EXOSC7: variants seen among roughly 807,000 people sequenced by gnomAD.
EXOSC7 encodes the protein exosome complex component RRP42.
A neutral mutation model predicts 34.3 loss-of-function variants in EXOSC7; 25 were observed. The ratio of observed to expected loss-of-function variants is 0.73; its 90% CI spans 0.53 to 1.02. The LOEUF (loss-of-function observed/expected upper bound fraction) is 1.02. EXOSC7 is among the 50% of genes least tolerant of loss of function. EXOSC7 has a pLI of 0.00. For synonymous variants in EXOSC7, 130 were observed against 143.0 expected, an observed-to-expected ratio of 0.91 and a Z score of 0.65; for missense variants, 370 against 368.5, an observed-to-expected ratio of 1.00 and a Z score of -0.03.
intron 1 of EXOSC7, among the ~76,000 whole-genome samples, 191 bp downstream of exon 1, chr3:44,976,525 C>G (rs940602481): frequency 2.6e-5 from 4 of 152,170 alleles, no homozygotes; most frequent in African/African-American, 9.7e-5. Context: ...GGACTGTTAG[C>G]GCATTTGCAG....
At chr3:45,002,378 A>G (rs1176438289) in intron 5 of EXOSC7, 2 of 152,110 alleles carry the variant, frequency 1.3e-5, no homozygotes, top group Non-Finnish European at 2.9e-5. Flanking sequence ...TAAATGAGCA[A>G]AGATGTTTAT....
chr3:45,010,934 G>A (rs1415964102), intron 7 of EXOSC7, among the ~76,000 whole-genome samples: 4 of 152,238 alleles, frequency 2.6e-5, no homozygotes, highest in Non-Finnish European at 5.9e-5. Context: ...AGTGGCAGCA[G>A]GATAGTGAAG....
intron 1 of EXOSC7, among the ~76,000 whole-genome samples, chr3:44,982,932 C>A (rs2125962012): frequency 6.6e-6 from 1 of 152,336 alleles, no homozygotes. Context: ...CAAAGCTGGA[C>A]CAAATGTGGC....
chr3:45,005,223 T>A, intron 5 of EXOSC7, 68 bp from the exon 6 acceptor site: 1 of 1,577,370 alleles, frequency 6.3e-7, no homozygotes, highest in South Asian at 1.1e-5. Context: ...CAACTCCTAT[T>A]CTCAATCTTA....
chr3:44,996,730 C>T (rs752306326), intron 3 of EXOSC7, among the ~76,000 whole-genome samples: 27 of 152,192 alleles, frequency 1.8e-4, no homozygotes, highest in Non-Finnish European at 1.0e-4. Context: ...GTTTCCTAGG[C>T]CTGCCAGAGA....
chr3:44,994,881 G>A (rs1274149895), intron 3 of EXOSC7, among the ~76,000 whole-genome samples: 1 of 151,116 alleles, frequency 6.6e-6, no homozygotes, highest in Non-Finnish European at 1.5e-5. Flanking sequence ...GTGTGTGTGT[G>A]TGTGTGTGTG....
chr3:44,990,222 C>T (rs1308209865), intron 3 of EXOSC7, among the ~76,000 whole-genome samples: 2 of 152,178 alleles, frequency 1.3e-5, no homozygotes, highest in East Asian at 1.9e-4. Flanking sequence ...CTCAGTCTCA[C>T]TGTGGCCAAA....
chr3:44,997,848 C>T (rs956421434), intron 4 of EXOSC7, among the ~76,000 whole-genome samples: 1 of 152,124 alleles, frequency 6.6e-6, no homozygotes, highest in East Asian at 1.9e-4. Context: ...ACGTGCCTGC[C>T]TTTAGTTTCC....
At chr3:44,999,626 T>G (rs573358956) in intron 4 of EXOSC7, among the ~76,000 whole-genome samples, 1 of 152,008 alleles carries the variant, frequency 6.6e-6, no homozygotes, top group East Asian at 1.9e-4. Context: ...GAGGTGGAGG[T>G]TGCAGTGAGC....
At chr3:44,981,573 A>G (rs997887862) in intron 1 of EXOSC7, among the ~76,000 whole-genome samples, 4 of 151,982 alleles carry the variant, frequency 2.6e-5, no homozygotes, top group African/African-American at 9.7e-5. Flanking sequence ...GTGGCTCCTG[A>G]GAATTAAACC....
At chr3:44,978,917 T>G (rs1253516627) in intron 1 of EXOSC7, among the ~76,000 whole-genome samples, 1 of 152,218 alleles carries the variant, frequency 6.6e-6, no homozygotes, top group African/African-American at 2.4e-5. Flanking sequence ...TGGTAGGTTC[T>G]TAGTAGCATT....
intron 2 of EXOSC7, 121 bp downstream of exon 2, chr3:44,989,362 G>T: frequency 1.1e-6 from 1 of 892,002 alleles, no homozygotes; most frequent in Non-Finnish European, 1.8e-6. Context: ...GAAGATCCGA[G>T]CCAAACTCAG....
chr3:44,988,088 G>A (rs1161093712), intron 1 of EXOSC7, among the ~76,000 whole-genome samples: 2 of 152,180 alleles, frequency 1.3e-5, no homozygotes, highest in Non-Finnish European at 2.9e-5. Flanking sequence ...CTAGTTCCTG[G>A]TTTTAAGTAC....
intron 3 of EXOSC7, among the ~76,000 whole-genome samples, chr3:44,995,557 A>G (rs1706698683): frequency 6.6e-6 from 1 of 152,168 alleles, no homozygotes; most frequent in Non-Finnish European, 1.5e-5. Context: ...TAAATTAGAA[A>G]CAGGTTGTGT....
intron 4 of EXOSC7, among the ~76,000 whole-genome samples, chr3:44,999,449 G>A (rs964111429): frequency 7.9e-5 from 12 of 152,226 alleles, no homozygotes; most frequent in Non-Finnish European, 1.3e-4. Context: ...AGCACTTTGG[G>A]ATGCCAAGGC....
intron 3 of EXOSC7, among the ~76,000 whole-genome samples, chr3:44,994,906 T>TGTGTGTGTGTG (rs1706679036): frequency 7.0e-6 from 1 of 143,612 alleles, no homozygotes; most frequent in African/African-American, 2.6e-5. Context: ...TGTGTGTGTG[T>TGTGTGTGTGTG]TTTAAGCCAT....
intron 7 of EXOSC7, among the ~76,000 whole-genome samples, chr3:45,009,431 A>G (rs1331613298): frequency 1.3e-5 from 2 of 151,960 alleles, no homozygotes; most frequent in Admixed American, 1.3e-4. Flanking sequence ...CATCCTGTCC[A>G]TCTCATCTCC....
intron 1 of EXOSC7, 147 bp downstream of exon 1, chr3:44,976,481 T>A: frequency 1.4e-6 from 1 of 716,236 alleles, no homozygotes; most frequent in Middle Eastern, 2.4e-4. Flanking sequence ...CTGCCGGCGT[T>A]TGCAATTCAG....
chr3:45,008,382 TAG>T (rs1189052731), intron 7 of EXOSC7, among the ~76,000 whole-genome samples: 2 of 152,256 alleles, frequency 1.3e-5, no homozygotes, highest in African/African-American at 2.4e-5. Context: ...CTTTTGTGTT[TAG>T]AAACAATGAC....
Sources: gnomAD v4.1 joint callset for allele counts (sites outside exome capture counted in the v4.1 genomes callset) on GRCh38, gnomAD v4.1.1 for gene constraint, MANE v1.5 for transcripts, NCBI Gene and HGNC (gene_info 2026-07-23, HGNC 2026-07-21) for gene names.